Variants in SPECC1L observed in about 807,000 individuals in gnomAD.
SPECC1L encodes the protein sperm antigen with calponin homology and coiled-coil domains 1 like.
SPECC1L carries 40 observed loss-of-function variants against 116.8 expected under a neutral mutation model. The ratio of observed to expected loss-of-function variants is 0.34; its 90% confidence interval spans 0.27 to 0.45. The LOEUF (loss-of-function observed/expected upper bound fraction) is 0.45, where lower values mean the gene tolerates loss of function less well. SPECC1L is among the 20% of genes least tolerant of loss of function. SPECC1L has a pLI of 1.00. For missense variants in SPECC1L, 1,110 were observed against 1,373.6 expected (o/e 0.81, Z 3.03); for synonymous variants, 504 against 500.6 (o/e 1.01, Z -0.09).
At position 24,372,841 on chromosome 22, in the gene SPECC1L, G is replaced by C. The variant is rs2041898188; in HGVS notation, c.3087+3521G>C. Among the ~76,000 whole-genome samples, 3 of 152,194 alleles carry C rather than the reference G, an allele frequency of 2.0e-5. No homozygotes were observed. The South Asian group carries it at 6.2e-4, about 31-fold the overall frequency. On this transcript the variant is annotated intron_variant, in intron 14 of 16. Coordinates refer to ENST00000314328, the MANE Select transcript of SPECC1L (RefSeq NM_015330.6). Reference sequence around the variant, plus strand: ...GAAAAGAGGAAGTCAAATTGTCCCTGTTTGCAGATGACATGATTATATATC... The same window carrying C: ...GAAAAGAGGAAGTCAAATTGTCCCTCTTTGCAGATGACATGATTATATATC...
At chr22:24,345,283 C>T (rs1362310097) in intron 10 of SPECC1L, among the ~76,000 whole-genome samples, 2 of 152,046 alleles carry the variant, frequency 1.3e-5, no homozygotes, top group African/African-American at 2.4e-5. Flanking sequence ...AACCTCAGCC[C>T]GTACCTTATG....
chr22:24,343,202 T>A (rs2041215380), intron 10 of SPECC1L, among the ~76,000 whole-genome samples: 1 of 151,958 alleles, frequency 6.6e-6, no homozygotes, highest in Non-Finnish European at 1.5e-5. Context: ...TTAAAAAAAA[T>A]TCTTTTTTTG....
At chr22:24,283,088 T>G (rs780126492) in intron 2 of SPECC1L, among the ~76,000 whole-genome samples, 10 of 145,654 alleles carry the variant, frequency 6.9e-5, no homozygotes, top group African/African-American at 1.0e-4. Flanking sequence ...GATAACTTTG[T>G]TTTTTTTTGA....
chr22:24,327,250 CCTGGGCAACAGATTGAGA>C (rs1384221493), intron 6 of SPECC1L, among the ~76,000 whole-genome samples: 1 of 140,082 alleles, frequency 7.1e-6, no homozygotes, highest in Non-Finnish European at 1.5e-5. Context: ...TGCACTCCAG[CCTGGGCAACAGATTGAGA>C]CTCCGTCTCA....
chr22:24,339,263 A>G (rs1298828718), intron 10 of SPECC1L, among the ~76,000 whole-genome samples: 3 of 152,192 alleles, frequency 2.0e-5, no homozygotes, highest in Non-Finnish European at 2.9e-5. Context: ...CTAAGCTTGG[A>G]ACTTGGACAG....
intron 14 of SPECC1L, among the ~76,000 whole-genome samples, chr22:24,376,956 C>G (rs548549408): frequency 2.6e-4 from 39 of 151,824 alleles, no homozygotes; most frequent in African/African-American, 8.9e-4. Flanking sequence ...ATTACCACAA[C>G]CAGTTTTAGG....
chr22:24,413,456 G>A (rs1402249771), intron 16 of SPECC1L, among the ~76,000 whole-genome samples: 2 of 152,174 alleles, frequency 1.3e-5, no homozygotes, highest in South Asian at 2.1e-4. Flanking sequence ...GCCCCAAACA[G>A]TCCTAGATCT....
chr22:24,408,924 A>G (rs2042641951), intron 14 of SPECC1L, among the ~76,000 whole-genome samples: 1 of 152,198 alleles, frequency 6.6e-6, no homozygotes, highest in Non-Finnish European at 1.5e-5. Flanking sequence ...GGCTGGACTG[A>G]CGGTCTCCCT....
chr22:24,323,270 T>C (rs1260097281), intron 5 of SPECC1L, among the ~76,000 whole-genome samples: 1 of 152,184 alleles, frequency 6.6e-6, no homozygotes, highest in African/African-American at 2.4e-5. Context: ...TTTGGTGTAA[T>C]AGGTGGAGAG....
intron 14 of SPECC1L, among the ~76,000 whole-genome samples, chr22:24,407,868 G>A (rs946742397): frequency 3.3e-5 from 5 of 152,114 alleles, no homozygotes; most frequent in African/African-American, 1.2e-4. Context: ...CCTCTTCTCT[G>A]TACCCTAATC....
rs200192987 is a variant in SPECC1L at position 24,365,642 on chromosome 22, A to G, written c.2984+10A>G. 3 of 1,613,946 alleles carry G rather than the reference A, an allele frequency of 1.9e-6. No homozygotes were observed. The highest frequency in any genetic ancestry group is 2.2e-5 in the East Asian group (1 of 44,886). Reference sequence around the variant, plus strand: ...CCCGAAGCCGAATAAGGTAGAGAACAGTTAATATTCATGCATTTCGTGTGT... The same window carrying G: ...CCCGAAGCCGAATAAGGTAGAGAACGGTTAATATTCATGCATTTCGTGTGT... On this transcript the variant is annotated intron_variant, in intron 13 of 16. Coordinates refer to ENST00000314328, the MANE Select transcript of SPECC1L (RefSeq NM_015330.6).
At chr22:24,337,842 T>C (rs766362249) in intron 9 of SPECC1L, among the ~76,000 whole-genome samples, 13 of 152,160 alleles carry the variant, frequency 8.5e-5, no homozygotes, top group African/African-American at 2.4e-4. Context: ...TTCAGCAGTT[T>C]ATTATAGAGA....
intron 14 of SPECC1L, among the ~76,000 whole-genome samples, chr22:24,401,054 G>A (rs111931698): frequency 0.011 from 1,644 of 152,172 alleles, 29 homozygotes; most frequent in African/African-American, 0.036. Context: ...CTGTCCCCAC[G>A]CCCACCTGGA....
At chr22:24,337,541 C>G (rs774838926) in intron 9 of SPECC1L, among the ~76,000 whole-genome samples, 8 of 152,140 alleles carry the variant, frequency 5.3e-5, no homozygotes, top group Non-Finnish European at 8.8e-5. Flanking sequence ...CTAAATGCCA[C>G]AGAACTGCAC....
At chr22:24,320,082 T>C (rs2040690563) in intron 4 of SPECC1L, among the ~76,000 whole-genome samples, 1 of 152,212 alleles carries the variant, frequency 6.6e-6, no homozygotes, top group Admixed American at 6.5e-5. Flanking sequence ...GAGACCAGCC[T>C]GGCCAACATG....
chr22:24,385,854 T>C (rs943439736), intron 14 of SPECC1L, among the ~76,000 whole-genome samples: 1 of 152,218 alleles, frequency 6.6e-6, no homozygotes, highest in African/African-American at 2.4e-5. Context: ...TGAAATTTAG[T>C]AGAGCTATAG....
rs1240800837 is a variant in SPECC1L, at chr22:24,412,649, G to A, written c.3206G>A (p.Arg1069Lys). 1.9e-6 allele frequency: 3 copies of A among 1,614,062 alleles called. No individual in the cohort carries two copies. The highest frequency in any genetic ancestry group is 2.7e-5 in the African/African-American group (2 of 74,946). The part of the protein sequence containing the change: ...PYQELNSQDK[R>K]RNFMLAFQAA... ...GCAGTGACACAGTTTCTTTTACAGA[G>A]AAGGAACTTCATGCTGGCTTTCCAG... The change falls in exon 16 of 17, where the codon AGA becomes AAA. Residue 1069 changes from arginine to lysine, a missense_variant and splice_region_variant. Coordinates refer to ENST00000314328, the MANE Select transcript of SPECC1L (RefSeq NM_015330.6).
intron 11 of SPECC1L, among the ~76,000 whole-genome samples, chr22:24,352,813 A>G (rs2041452959): frequency 6.6e-6 from 1 of 152,096 alleles, no homozygotes; most frequent in Non-Finnish European, 1.5e-5. Context: ...ATCAGAACTT[A>G]TTTTTATCAA....
intron 14 of SPECC1L, among the ~76,000 whole-genome samples, chr22:24,381,870 C>T (rs1178579186): frequency 6.6e-6 from 1 of 152,054 alleles, no homozygotes; most frequent in South Asian, 2.1e-4. Flanking sequence ...GGCGACAGAG[C>T]GAGACTCTGT....
Sources: gnomAD v4.1 joint callset for allele counts (sites outside exome capture counted in the v4.1 genomes callset) on GRCh38, gnomAD v4.1.1 for gene constraint, MANE v1.5 for transcripts, NCBI Gene and HGNC (gene_info 2026-07-23, HGNC 2026-07-21) for gene names.